The following POLA1 variants were observed in gnomAD, a reference collection of about 807,000 sequenced individuals.
POLA1 encodes DNA polymerase alpha catalytic subunit.
Under a neutral mutation model 124.0 loss-of-function variants are expected in POLA1, and 15 were observed. The observed-to-expected ratio is 0.12, with a 90% CI of 0.08 to 0.19. POLA1 has a LOEUF of 0.19. Among genes scored for constraint, POLA1 ranks in the 10% least tolerant of loss-of-function variants. The pLI, the probability that POLA1 is intolerant of heterozygous loss-of-function variation, is 1.00. For missense variants in POLA1, 886 were observed against 1,103.4 expected, an observed-to-expected ratio of 0.80 and a Z score of 2.79; for synonymous variants, 408 against 389.4, an observed-to-expected ratio of 1.05 and a Z score of -0.56.
intron 34 of POLA1, among the ~76,000 whole-genome samples, chrX:24,877,932 T>A (rs1041150180): frequency 9.2e-6 from 1 of 108,216 alleles, no homozygotes; most frequent in Non-Finnish European, 1.9e-5. Flanking sequence ...TTTTTGTTTT[T>A]TTTTTAGTGA....
At chrX:24,832,059 C>T (rs2046270860) in intron 32 of POLA1, among the ~76,000 whole-genome samples, 1 of 111,561 alleles carries the variant, frequency 9.0e-6, no homozygotes, top group Non-Finnish European at 1.9e-5. Flanking sequence ...CAGTGTATGT[C>T]CCAAAAAAGG....
At chrX:24,779,515 A>G (rs1334601177) in intron 26 of POLA1, among the ~76,000 whole-genome samples, 1 of 112,243 alleles carries the variant, frequency 8.9e-6, no homozygotes, top group Non-Finnish European at 1.9e-5. Flanking sequence ...TACTTGTACA[A>G]TAATAGAATT....
rs1189202614 is a variant in POLA1, at chrX:24,741,142, TGTGTGC to T, written c.2217-231_2217-226del. Among the ~76,000 whole-genome samples the T allele has an allele frequency of 3.0e-3, 254 of 84,160 alleles. No homozygotes were observed. In the South Asian group the frequency reaches 0.042, roughly 14 times the overall value. The allele number at this position is 84,160 out of a possible 115,157, so 73.1% of individuals were successfully genotyped here. On this transcript the variant is annotated intron_variant, in intron 20 of 36. Transcript: ENST00000379068. ...GTGTGTGTGTGTGTGTGTGTGTGTG[TGTGTGC>T]GCGCGTGTGTGTGTGTGTGTGTTTT...
At chrX:24,951,056 G>A (rs2048032504) in intron 36 of POLA1, among the ~76,000 whole-genome samples, 1 of 111,354 alleles carries the variant, frequency 9.0e-6, no homozygotes, top group Non-Finnish European at 1.9e-5. Context: ...GTTTGTCAGT[G>A]GGCTTCATCT....
intron 28 of POLA1, among the ~76,000 whole-genome samples, chrX:24,812,103 A>G (rs2045911532): frequency 8.9e-6 from 1 of 112,139 alleles, no homozygotes; most frequent in Admixed American, 9.4e-5. Flanking sequence ...AAAGTTGAGT[A>G]TTTTCCCTGG....
At chrX:24,972,855 T>C (rs1030978378) in intron 36 of POLA1, among the ~76,000 whole-genome samples, 1 of 112,637 alleles carries the variant, frequency 8.9e-6, no homozygotes, top group Non-Finnish European at 1.9e-5. Context: ...TAAGTTCCAC[T>C]TTTTTTCATC....
chrX:24,818,860 T>C (rs1291109882), intron 30 of POLA1, among the ~76,000 whole-genome samples: 3 of 112,458 alleles, frequency 2.7e-5, no homozygotes, highest in African/African-American at 9.7e-5. Flanking sequence ...TCATTTCTGC[T>C]TCTGCATACA....
rs1569279004 is a variant in POLA1 at position 24,717,287 on chromosome X, C to T, written c.707-3C>T. On this transcript the variant is annotated splice_region_variant and splice_polypyrimidine_tract_variant and intron_variant, in intron 8 of 36. Coordinates refer to ENST00000379068, the MANE Select transcript of POLA1 (RefSeq NM_001330360.2). ...TGACAAGAATGTGTGATGATGCCTACAGGCGATGATGTACAGGTCGAGAGT... is the reference window on the plus strand; with the variant it reads ...TGACAAGAATGTGTGATGATGCCTATAGGCGATGATGTACAGGTCGAGAGT... 8.3e-7 allele frequency: 1 copy of T among 1,203,386 alleles called. No homozygotes were observed. Among genetic ancestry groups the T allele is most frequent in the East Asian group, 3.0e-5 (1 of 33,809 alleles).
chrX:24,876,949 C>T (rs2046944055), intron 34 of POLA1, among the ~76,000 whole-genome samples: 1 of 111,897 alleles, frequency 8.9e-6, no homozygotes. Flanking sequence ...CAGTATTTAC[C>T]TAGTTGTAAT....
chrX:24,785,700 G>A (rs2045348477), intron 26 of POLA1, among the ~76,000 whole-genome samples: 1 of 112,038 alleles, frequency 8.9e-6, no homozygotes, highest in Non-Finnish European at 1.9e-5. Context: ...GATTATATAT[G>A]AAAGGTGTAC....
At chrX:24,979,352 T>C (rs1487526061) in intron 36 of POLA1, among the ~76,000 whole-genome samples, 1 of 112,039 alleles carries the variant, frequency 8.9e-6, no homozygotes, top group African/African-American at 3.2e-5. Flanking sequence ...CAAGATCCAC[T>C]TAAGACATGT....
intron 3 of POLA1, 118 bp from the exon 4 acceptor site, chrX:24,704,271 A>G: frequency 1.9e-6 from 1 of 526,015 alleles, no homozygotes; most frequent in Admixed American, 2.7e-5. Flanking sequence ...GCTGCACTTA[A>G]AAATAGCACA....
At chrX:24,723,066 T>G in intron 10 of POLA1, 89 bp from the exon 11 acceptor site, 1 of 623,009 alleles carries the variant, frequency 1.6e-6, no homozygotes, top group Admixed American at 2.4e-5. Context: ...TATAAATGTG[T>G]GGACACATTC....
chrX:24,980,889 C>T (rs763384285), intron 36 of POLA1, among the ~76,000 whole-genome samples: 21 of 111,307 alleles, frequency 1.9e-4, no homozygotes, highest in Non-Finnish European at 3.6e-4. Flanking sequence ...AATAGCAAAC[C>T]TTAGGCATCT....
chrX:24,863,443 A>C (rs772408445), intron 34 of POLA1, among the ~76,000 whole-genome samples: 20 of 112,078 alleles, frequency 1.8e-4, no homozygotes, highest in African/African-American at 6.5e-4. Context: ...AATATCAATG[A>C]GTAGTTTCCC....
intron 34 of POLA1, among the ~76,000 whole-genome samples, chrX:24,881,612 CCAAAA>C (rs1168730992): frequency 4.5e-5 from 5 of 111,319 alleles, no homozygotes; most frequent in Non-Finnish European, 5.7e-5. Flanking sequence ...AGTACCAGCT[CCAAAA>C]CAAATTGTTC....
chrX:24,884,572 A>G (rs1223892682), intron 34 of POLA1, among the ~76,000 whole-genome samples: 1 of 112,502 alleles, frequency 8.9e-6, no homozygotes, highest in South Asian at 3.6e-4. Context: ...GAAGCAAAGC[A>G]TATATTTAAT....
chrX:24,711,573 A>T (rs1929436837), intron 4 of POLA1, among the ~76,000 whole-genome samples: 1 of 111,873 alleles, frequency 8.9e-6, no homozygotes, highest in African/African-American at 3.2e-5. Flanking sequence ...CAGAAGTGGG[A>T]TTGCTGGCTC....
At chrX:24,755,854 A>G (rs1183190331) in intron 26 of POLA1, among the ~76,000 whole-genome samples, 1 of 112,342 alleles carries the variant, frequency 8.9e-6, no homozygotes, top group East Asian at 2.8e-4. Context: ...GAATGATACA[A>G]GTTAGGAATC....
Sources: gnomAD v4.1 joint callset for allele counts (sites outside exome capture counted in the v4.1 genomes callset) on GRCh38, gnomAD v4.1.1 for gene constraint, MANE v1.5 for transcripts, NCBI Gene and HGNC (gene_info 2026-07-23, HGNC 2026-07-21) for gene names.